The following OXR1 variants were observed in gnomAD, a reference collection of about 807,000 sequenced individuals.
OXR1 encodes the protein oxidation resistance protein 1.
Under a neutral mutation model 104.6 loss-of-function variants are expected in OXR1, and 41 were observed. That is an observed-to-expected ratio of 0.39 (90% CI 0.31 to 0.51). OXR1 has a LOEUF of 0.51. Among genes scored for constraint, OXR1 ranks in the 20% least tolerant of loss-of-function variants. The pLI is 0.77. For synonymous variants in OXR1, 348 were observed against 348.4 expected (o/e 1.00, Z 0.01); for missense variants, 955 against 1,031.9 (o/e 0.93, Z 1.02).
At chr8:106,613,931 C>T (rs1044326811) in intron 3 of OXR1, among the ~76,000 whole-genome samples, 2 of 151,996 alleles carry the variant, frequency 1.3e-5, no homozygotes, top group East Asian at 3.9e-4. Context: ...CTTGGCATCT[C>T]GACTGCATTT....
At chr8:106,492,020 G>A (rs1047448436) in intron 2 of OXR1, among the ~76,000 whole-genome samples, 3 of 152,154 alleles carry the variant, frequency 2.0e-5, no homozygotes, top group South Asian at 2.1e-4. Context: ...TCAGAATTTT[G>A]TATGGGGCCC....
intron 2 of OXR1, among the ~76,000 whole-genome samples, chr8:106,408,106 G>A (rs1026232392): frequency 1.4e-4 from 22 of 152,228 alleles, no homozygotes; most frequent in African/African-American, 3.6e-4. Context: ...TGCACAGGAC[G>A]GCCCATGCTC....
chr8:106,693,310 A>G (rs1198381946), intron 7 of OXR1, among the ~76,000 whole-genome samples: 3 of 152,150 alleles, frequency 2.0e-5, no homozygotes, highest in Non-Finnish European at 4.4e-5. Context: ...ATCTTGTGAA[A>G]TAGGCAGTCA....
At chr8:106,298,540 A>C (rs1167483778) in intron 1 of OXR1, among the ~76,000 whole-genome samples, 1 of 152,200 alleles carries the variant, frequency 6.6e-6, no homozygotes, top group East Asian at 1.9e-4. Flanking sequence ...AATCATGATA[A>C]TAAAGTCTCT....
chr8:106,460,575 C>T (rs1820851883), intron 2 of OXR1, among the ~76,000 whole-genome samples: 1 of 152,158 alleles, frequency 6.6e-6, no homozygotes, highest in Non-Finnish European at 1.5e-5. Flanking sequence ...GTGGCTGTGC[C>T]TCATGCCTGG....
At chr8:106,295,708 A>G (rs1812967308) in intron 1 of OXR1, among the ~76,000 whole-genome samples, 1 of 152,206 alleles carries the variant, frequency 6.6e-6, no homozygotes, top group Admixed American at 6.5e-5. Context: ...TTGTGAAGCT[A>G]CGGTGTTTTC....
chr8:106,606,592 A>G (rs76166216), intron 3 of OXR1, among the ~76,000 whole-genome samples: 2,167 of 151,816 alleles, frequency 0.014, 28 homozygotes, highest in South Asian at 0.062. Flanking sequence ...GATTATAGGC[A>G]TGAGCCACTG....
chr8:106,493,565 C>A (rs1811234103), intron 2 of OXR1, among the ~76,000 whole-genome samples: 1 of 151,984 alleles, frequency 6.6e-6, no homozygotes, highest in African/African-American at 2.4e-5. Flanking sequence ...TATTAACTAA[C>A]AATGTCGGGC....
chr8:106,342,571 A>G (rs1222492537), intron 1 of OXR1, among the ~76,000 whole-genome samples: 1 of 151,684 alleles, frequency 6.6e-6, no homozygotes, highest in Non-Finnish European at 1.5e-5. Flanking sequence ...TTCATCTTTT[A>G]TGTATTTTTT....
intron 2 of OXR1, among the ~76,000 whole-genome samples, chr8:106,412,631 C>T (rs1818503827): frequency 6.6e-6 from 1 of 151,840 alleles, no homozygotes; most frequent in African/African-American, 2.4e-5. Context: ...GATTTTAGAC[C>T]CAAAACTTTA....
chr8:106,456,804 T>C (rs892240297), intron 2 of OXR1, among the ~76,000 whole-genome samples: 1 of 152,168 alleles, frequency 6.6e-6, no homozygotes, highest in Non-Finnish European at 1.5e-5. Flanking sequence ...AAAGGAATGA[T>C]AGATGGATGG....
intron 2 of OXR1, among the ~76,000 whole-genome samples, chr8:106,402,455 T>C (rs6991668): frequency 0.23 from 34,952 of 152,094 alleles, 5,632 homozygotes; most frequent in African/African-American, 0.44. Flanking sequence ...TTCAGTTATG[T>C]ATTCTGGAAC....
chr8:106,654,715 G>A (rs762080488), intron 3 of OXR1, among the ~76,000 whole-genome samples: 2 of 152,078 alleles, frequency 1.3e-5, no homozygotes, highest in Non-Finnish European at 2.9e-5. Flanking sequence ...TGCAAAGCAC[G>A]GATGTGATAA....
intron 3 of OXR1, among the ~76,000 whole-genome samples, chr8:106,539,336 T>C (rs759729079): frequency 6.6e-5 from 10 of 152,236 alleles, no homozygotes; most frequent in Non-Finnish European, 1.5e-4. Context: ...CACTGAAGCA[T>C]TGAACATGCC....
intron 2 of OXR1, among the ~76,000 whole-genome samples, chr8:106,417,526 A>C (rs1031551499): frequency 1.3e-5 from 2 of 152,176 alleles, no homozygotes; most frequent in Non-Finnish European, 2.9e-5. Flanking sequence ...AATAGTCTAA[A>C]TTTCAAAACA....
chr8:106,569,711 C>G (rs770920591), intron 3 of OXR1, among the ~76,000 whole-genome samples: 5 of 152,222 alleles, frequency 3.3e-5, no homozygotes, highest in Non-Finnish European at 7.3e-5. Flanking sequence ...CATGAATTCT[C>G]TCACTTTGAC....
chr8:106,709,068 C>T (rs899977267), intron 9 of OXR1, among the ~76,000 whole-genome samples: 1 of 151,580 alleles, frequency 6.6e-6, no homozygotes. Flanking sequence ...TTTTTTAATT[C>T]AAAACTAATG....
intron 2 of OXR1, among the ~76,000 whole-genome samples, chr8:106,388,974 T>C (rs1954754): frequency 0.64 from 97,556 of 152,042 alleles, 31,535 homozygotes; most frequent in Middle Eastern, 0.68. Flanking sequence ...CTGAGAATTA[T>C]ATAATGACCT....
In OXR1 at chr8:106,748,664, G is replaced by A. The variant is rs182352707; in HGVS notation, c.2487-2142G>A. On this transcript the variant is annotated intron_variant, in intron 16 of 16. Transcript: ENST00000517566. ...GCTCACTGTAACCTCTGCCTCCCAA[G>A]TTCAAATGATTCCCCTGCCTCAGCC... 8.9e-4 allele frequency among the ~76,000 whole-genome samples: 115 copies of A among 129,654 alleles called. 3 individuals carry two copies. The South Asian group carries it at 0.02, about 22-fold the overall frequency. 85.1% of individuals were successfully genotyped at this position (129,654 alleles called of 152,430 possible).
Sources: allele counts gnomAD v4.1 joint callset (sites outside exome capture counted in the v4.1 genomes callset), GRCh38; gene constraint gnomAD v4.1.1; transcripts MANE v1.5; gene names NCBI Gene and HGNC (gene_info 2026-07-23, HGNC 2026-07-21).